Variants in ZC3H14 observed in about 807,000 individuals in gnomAD.
The protein encoded by ZC3H14 is zinc finger CCCH domain-containing protein 14.
In ZC3H14, 31 loss-of-function variants were observed where a neutral mutation model predicts 92.4. That is an observed-to-expected ratio of 0.34 (90% CI 0.25 to 0.45). ZC3H14 has a LOEUF of 0.45. ZC3H14 is among the 20% of genes least tolerant of loss of function. ZC3H14 has a pLI of 1.00. For missense variants in ZC3H14, 781 were observed against 897.3 expected, an observed-to-expected ratio of 0.87 and a Z score of 1.66; for synonymous variants, 321 against 300.9, an observed-to-expected ratio of 1.07 and a Z score of -0.69.
chr14:88,600,263 T>C (rs959265479), intron 10 of ZC3H14, among the ~76,000 whole-genome samples: 1 of 152,212 alleles, frequency 6.6e-6, no homozygotes, highest in Admixed American at 6.5e-5. Context: ...ATGTCTTCTC[T>C]TCCTGTCAGG....
At chr14:88,576,040 G>T in intron 8 of ZC3H14, 100 bp downstream of exon 8, 1 of 1,058,846 alleles carries the variant, frequency 9.4e-7, no homozygotes, top group Non-Finnish European at 1.4e-6. Flanking sequence ...AAAGGTGCCT[G>T]TCAGATGTCA....
Position 88,621,871 on chromosome 14 carries a change from G to A in ZC3H14, c.*10120G>A. ...CCTCAGACATTTATCATTTCTTTGT[G>A]ATGGAAACTTTCAAAATCCTCTCTT... is the stretch of plus-strand genomic sequence containing the variant. On this transcript the variant is annotated 3_prime_UTR_variant, in exon 17 of 17. Coordinates refer to ENST00000251038, the MANE Select transcript of ZC3H14 (RefSeq NM_024824.5). The A allele has an allele frequency of 4.4e-6, 2 of 456,410 alleles. No homozygotes were observed. The highest frequency in any genetic ancestry group is 8.8e-6 in the Non-Finnish European group (2 of 226,862). The allele number at this position is 456,410 out of a possible 1,614,324, so 28.3% of individuals were successfully genotyped here.
chr14:88,621,981 A>G lies in ZC3H14; in HGVS notation c.*10230A>G. 1 of 421,852 alleles carries G rather than the reference A, an allele frequency of 2.4e-6. No individual in the cohort carries two copies. The highest frequency in any genetic ancestry group is 4.8e-6 in the Non-Finnish European group (1 of 208,328). 26.1% of individuals were successfully genotyped at this position (421,852 alleles called of 1,614,324 possible). A position where few individuals can be genotyped will look rare whatever the true frequency, so the allele number is the denominator to read the frequency against. On this transcript the variant is annotated 3_prime_UTR_variant, in exon 17 of 17. Transcript: ENST00000251038. The stretch of plus-strand genomic sequence containing the variant: ...CAGAATACTAAAACATACTATTCCT[A>G]TCTGGCTGTGTAAACTTGTATCCTT...
chr14:88,612,000 T>C lies in ZC3H14; in HGVS notation c.*249T>C. 2 of 547,194 alleles carry C rather than the reference T, an allele frequency of 3.7e-6. No homozygotes were observed. Among genetic ancestry groups the C allele is most frequent in the Non-Finnish European group, 6.5e-6 (2 of 308,654 alleles). 33.9% of individuals were successfully genotyped at this position (547,194 alleles called of 1,614,324 possible). Reference sequence around the variant, plus strand: ...CAGCTTAAGGAAGAGCTAAATTCTGTTAAAATATTTGGGGCATGTTTGTGC... The same window carrying C: ...CAGCTTAAGGAAGAGCTAAATTCTGCTAAAATATTTGGGGCATGTTTGTGC... On this transcript the variant is annotated 3_prime_UTR_variant, in exon 17 of 17. Coordinates refer to ENST00000251038, the MANE Select transcript of ZC3H14 (RefSeq NM_024824.5).
intron 2 of ZC3H14, among the ~76,000 whole-genome samples, chr14:88,566,812 C>A (rs879625494): frequency 6.6e-6 from 1 of 151,668 alleles, no homozygotes. Context: ...CCCAGCTACT[C>A]GGGAGGCTGA....
intron 10 of ZC3H14, among the ~76,000 whole-genome samples, chr14:88,600,441 CT>C (rs201793653): frequency 2.5e-3 from 355 of 143,174 alleles, no homozygotes; most frequent in Non-Finnish European, 2.3e-3. Context: ...TTTCTTTTCT[CT>C]TTTTTTTTTT....
chr14:88,627,452 G>T lies in ZC3H14; in HGVS notation c.*15701G>T, dbSNP rs1266227930. Reference sequence around the variant, plus strand: ...TAATAATGGTTTCATTAATTTATCTGTTTTGTGAGGTTACAGTTCCACTGG... The same window carrying T: ...TAATAATGGTTTCATTAATTTATCTTTTTTGTGAGGTTACAGTTCCACTGG... On this transcript the variant is annotated 3_prime_UTR_variant, in exon 17 of 17. Transcript: ENST00000251038. The T allele has an allele frequency of 3.7e-6, 2 of 539,010 alleles. No individual in the cohort carries two copies. Among genetic ancestry groups the T allele is most frequent in the Non-Finnish European group, 6.4e-6 (2 of 313,548 alleles). The allele number at this position is 539,010 out of a possible 1,614,324, so 33.4% of individuals were successfully genotyped here.
rs376930401 is a variant in ZC3H14 at position 88,621,321 on chromosome 14, A to T, written c.*9570A>T. On this transcript the variant is annotated 3_prime_UTR_variant, in exon 17 of 17. Transcript: ENST00000251038. ...CTTGCCCTGAAACACAAGCAGGACC[A>T]ATACAGTGAATGTAATACAACAGCT... is the stretch of plus-strand genomic sequence containing the variant. The T allele has an allele frequency of 8.3e-5, 134 of 1,613,104 alleles. No individual in the cohort carries two copies. The highest frequency in any genetic ancestry group is 4.2e-4 in the South Asian group (38 of 91,072).
In ZC3H14 at chr14:88,620,469, A is replaced by C. The variant is rs907426306; in HGVS notation, c.*8718A>C. The C allele has an allele frequency of 1.1e-5, 3 of 263,710 alleles. No individual in the cohort carries two copies. The highest frequency in any genetic ancestry group is 6.6e-5 in the African/African-American group (3 of 45,482). The allele number at this position is 263,710 out of a possible 1,614,324, so 16.3% of individuals were successfully genotyped here. On this transcript the variant is annotated 3_prime_UTR_variant, in exon 17 of 17. Coordinates refer to ENST00000251038, the MANE Select transcript of ZC3H14 (RefSeq NM_024824.5). The surrounding 1 kb of genome is among the most constrained non-coding windows in gnomAD (Gnocchi z 4.3). ...TAGCTCTCTTGTATTACAGTGGGAG[A>C]TACCTCTTGGTGGGATGAACTTAAT...
chr14:88,578,192 T>C (rs776466776), intron 9 of ZC3H14, 52 bp downstream of exon 9: 17 of 1,595,178 alleles, frequency 1.1e-5, no homozygotes, highest in South Asian at 7.7e-5. Flanking sequence ...TCATGAGGCA[T>C]TGAATATTTT....
In ZC3H14 at chr14:88,607,418, C is replaced by T. The variant is rs183790774; in HGVS notation, c.1868+55C>T. On this transcript the variant is annotated intron_variant, in intron 13 of 16. Coordinates refer to ENST00000251038, the MANE Select transcript of ZC3H14 (RefSeq NM_024824.5). ...AAGTGAGTACCATCCCCCCATCTCA[C>T]CCTGCAAGTACCATCCCCCATCTCA... The T allele has an allele frequency of 3.7e-4, 573 of 1,534,158 alleles. 3 individuals are homozygous for T. The Admixed American group carries it at 9.1e-3, about 24-fold the overall frequency.
chr14:88,594,551 C>T, intron 9 of ZC3H14: 1 of 1,450,110 alleles, frequency 6.9e-7, no homozygotes, highest in East Asian at 2.5e-5. Flanking sequence ...ATGTACAACC[C>T]CATCTTTTGA....
rs1016849857 is a variant in ZC3H14 at position 88,615,742 on chromosome 14, T to C, written c.*3991T>C. Reference sequence around the variant, plus strand: ...GTCTTGGGTTAGCACCACTTGACCATGCAGGGTTGGGTTTTGGTTTTTCTT... The same window carrying C: ...GTCTTGGGTTAGCACCACTTGACCACGCAGGGTTGGGTTTTGGTTTTTCTT... On this transcript the variant is annotated 3_prime_UTR_variant, in exon 17 of 17. Coordinates refer to ENST00000251038, the MANE Select transcript of ZC3H14 (RefSeq NM_024824.5). 7.0e-7 allele frequency: 1 copy of C among 1,426,190 alleles called. No homozygotes were observed. Among genetic ancestry groups the C allele is most frequent in the East Asian group, 2.4e-5 (1 of 42,538 alleles). 88.3% of individuals were successfully genotyped at this position (1,426,190 alleles called of 1,614,324 possible). A position where few individuals can be genotyped will look rare whatever the true frequency, so the allele number is the denominator to read the frequency against.
At chr14:88,564,200 G>C (rs1334858226) in intron 2 of ZC3H14, among the ~76,000 whole-genome samples, 1 of 152,144 alleles carries the variant, frequency 6.6e-6, no homozygotes, top group African/African-American at 2.4e-5. Context: ...TCTGGCATTT[G>C]CTTCTGTAAT....
Position 88,602,853 on chromosome 14 carries a change from G to C in ZC3H14, c.1540G>C (p.Ala514Pro), listed in dbSNP as rs142810758. The change falls in exon 12 of 17, where the codon GCA (alanine) becomes CCA (proline). Residue 514 changes from alanine to proline, a missense_variant. By Grantham distance (27) the Ala-to-Pro change is conservative. This residue lies in a region of ZC3H14 where 221 missense variants were observed against 304.7 expected (regional missense o/e 0.73). Coordinates refer to ENST00000251038, the MANE Select transcript of ZC3H14 (RefSeq NM_024824.5). The part of the protein sequence containing the change: ...TRDLVQPDKP[A>P]SPKFIVTLDG... ...AGATCTTGTACAACCAGATAAACCT[G>C]CAAGTCCCAAGTTTATAGTGACGCT... 2.5e-6 allele frequency: 4 copies of C among 1,614,138 alleles called. No individual in the cohort carries two copies. The highest frequency in any genetic ancestry group is 3.4e-6 in the Non-Finnish European group (4 of 1,180,014).
chr14:88,595,595 G>T (rs2083703529), intron 9 of ZC3H14, among the ~76,000 whole-genome samples: 1 of 152,066 alleles, frequency 6.6e-6, no homozygotes, highest in African/African-American at 2.4e-5. Context: ...TTTTTTTATG[G>T]TAATAATTCT....
chr14:88,574,682 T>C lies in ZC3H14; in HGVS notation c.862-11T>C. 6.2e-7 allele frequency: 1 copy of C among 1,614,086 alleles called. No individual in the cohort carries two copies. Among genetic ancestry groups the C allele is most frequent in the Non-Finnish European group, 8.5e-7 (1 of 1,179,958 alleles). ...TGAGATTAGGTAAGCATAAATTTTA[T>C]CTGATTGCAGGATGAAAACTTTCGG... On this transcript the variant is annotated splice_polypyrimidine_tract_variant and intron_variant, in intron 6 of 16. Transcript: ENST00000251038.
chr14:88,606,556 G>A (rs963948356), intron 12 of ZC3H14, among the ~76,000 whole-genome samples: 1 of 152,060 alleles, frequency 6.6e-6, no homozygotes, highest in Non-Finnish European at 1.5e-5. Context: ...GATCGCTTAA[G>A]TCCTGGAGTT....
At chr14:88,585,896 C>CGGT (rs775547096) in intron 9 of ZC3H14, among the ~76,000 whole-genome samples, 5 of 151,968 alleles carry the variant, frequency 3.3e-5, no homozygotes, top group Non-Finnish European at 7.4e-5. Context: ...GGGCCGGGTG[C>CGGT]GGTGGCTCAT....
Sources: allele counts gnomAD v4.1 joint callset (sites outside exome capture counted in the v4.1 genomes callset), GRCh38; gene constraint gnomAD v4.1.1; regional missense constraint gnomAD v4.1.1; non-coding constraint Gnocchi (gnomAD v3.1); transcripts MANE v1.5; gene names NCBI Gene and HGNC (gene_info 2026-07-23, HGNC 2026-07-21).